The following SHISA9 variants were observed in gnomAD, a reference collection of about 807,000 sequenced individuals.
The protein encoded by SHISA9 is shisa family member 9.
Under a neutral mutation model 38.0 loss-of-function variants are expected in SHISA9, and 13 were observed. That is an observed-to-expected ratio of 0.34 (90% CI 0.22 to 0.54). The LOEUF is 0.54. Ranked by LOEUF, SHISA9 falls within the 20% of genes least tolerant of loss-of-function variation. SHISA9 has a pLI of 0.91. For synonymous variants in SHISA9, 275 were observed against 242.0 expected (o/e 1.14, Z -1.27); for missense variants, 538 against 575.8 (o/e 0.93, Z 0.67).
chr16:13,332,704 G>A, the SHISA9 span: 1 of 152,034 alleles, frequency 6.6e-6, no homozygotes, highest in Admixed American at 6.5e-5. Flanking sequence ...GAACAACTGG[G>A]GAATAAAAAA....
rs563541263 is a variant in SHISA9, at chr16:12,945,300, C to T, written c.691+28485C>T. ...GCTGAATATCTCACAGCACATACGG[C>T]AGCCCCTCACAGGTAAGAATTATCC... On this transcript the variant is annotated intron_variant, in intron 2 of 4. Coordinates refer to ENST00000558583, the MANE Select transcript of SHISA9 (RefSeq NM_001145204.3). Among the ~76,000 whole-genome samples, 31 of 152,282 alleles carry T rather than the reference C, an allele frequency of 2.0e-4. No individual in the cohort carries two copies. In the South Asian group the frequency reaches 6.4e-3, roughly 32 times the overall value.
intron 2 of SHISA9, among the ~76,000 whole-genome samples, chr16:12,992,078 A>G (rs1696028358): frequency 6.6e-6 from 1 of 152,190 alleles, no homozygotes; most frequent in Non-Finnish European, 1.5e-5. Flanking sequence ...AAGTAATAGT[A>G]TGGGAGATAC....
the SHISA9 span, among the ~76,000 whole-genome samples, chr16:13,556,526 G>A: frequency 6.6e-6 from 1 of 152,108 alleles, no homozygotes; most frequent in Non-Finnish European, 1.5e-5. Context: ...AGCCGGGCAA[G>A]GTGGCACGTG....
the SHISA9 span, among the ~76,000 whole-genome samples, chr16:13,442,762 T>C: frequency 6.6e-6 from 1 of 152,124 alleles, no homozygotes; most frequent in East Asian, 1.9e-4. Context: ...GAGACCAACC[T>C]GGCCAACATA....
chr16:13,028,949 G>A (rs2072958242), intron 2 of SHISA9, among the ~76,000 whole-genome samples: 1 of 152,136 alleles, frequency 6.6e-6, no homozygotes, highest in African/African-American at 2.4e-5. Flanking sequence ...GGAAAGTAAA[G>A]GTGCTATTAC....
At chr16:13,346,575 C>T in the SHISA9 span, among the ~76,000 whole-genome samples, 1 of 152,188 alleles carries the variant, frequency 6.6e-6, no homozygotes, top group East Asian at 1.9e-4. Flanking sequence ...TAATAGTAAT[C>T]TCCCACTCAT....
At chr16:13,060,977 CATT>C (rs1468402138) in intron 2 of SHISA9, among the ~76,000 whole-genome samples, 1 of 152,160 alleles carries the variant, frequency 6.6e-6, no homozygotes, top group African/African-American at 2.4e-5. Flanking sequence ...CTGGTTGACA[CATT>C]TCCATGTCCC....
At chr16:12,972,084 G>A (rs1480352079) in intron 2 of SHISA9, among the ~76,000 whole-genome samples, 5 of 98,568 alleles carry the variant, frequency 5.1e-5, no homozygotes, top group Non-Finnish European at 1.2e-4. Context: ...TGTGTGTGTT[G>A]AGAGGGGCAA....
chr16:13,251,044 C>T, the SHISA9 span, among the ~76,000 whole-genome samples: 1 of 152,140 alleles, frequency 6.6e-6, no homozygotes, highest in Non-Finnish European at 1.5e-5. Flanking sequence ...GTTTTGAACA[C>T]GTTTCTTCAC....
At chr16:13,035,262 C>G (rs557079293) in intron 2 of SHISA9, among the ~76,000 whole-genome samples, 3 of 152,180 alleles carry the variant, frequency 2.0e-5, no homozygotes, top group Non-Finnish European at 2.9e-5. Context: ...GTAGGTTGCA[C>G]TAGCTCTATT....
At chr16:13,279,299 T>G in the SHISA9 span, among the ~76,000 whole-genome samples, 1 of 151,988 alleles carries the variant, frequency 6.6e-6, no homozygotes, top group Non-Finnish European at 1.5e-5. Context: ...GAGGCTTGTT[T>G]TATGGCTTAT....
the SHISA9 span, among the ~76,000 whole-genome samples, chr16:13,397,305 C>A: frequency 6.6e-6 from 1 of 152,162 alleles, no homozygotes. Context: ...CTGCTGAAAC[C>A]CCTAGGGGGA....
At chr16:13,036,623 C>T (rs925040302) in intron 2 of SHISA9, among the ~76,000 whole-genome samples, 3 of 151,906 alleles carry the variant, frequency 2.0e-5, no homozygotes, top group East Asian at 1.9e-4. Flanking sequence ...TGCATATAAG[C>T]CATAACTCCA....
intron 2 of SHISA9, among the ~76,000 whole-genome samples, chr16:12,993,047 G>C (rs1311431104): frequency 1.3e-5 from 2 of 152,174 alleles, no homozygotes; most frequent in African/African-American, 4.8e-5. Context: ...TTCCATCTTG[G>C]ATTTTAAAGA....
the SHISA9 span, among the ~76,000 whole-genome samples, chr16:13,458,014 A>T: frequency 1.0e-4 from 15 of 148,554 alleles, no homozygotes; most frequent in African/African-American, 3.5e-4. Context: ...AATTATCTCA[A>T]TGACAATGTC....
chr16:13,355,590 G>C, the SHISA9 span, among the ~76,000 whole-genome samples: 10 of 152,150 alleles, frequency 6.6e-5, no homozygotes, highest in Non-Finnish European at 1.3e-4. Flanking sequence ...GCTTAAAAGA[G>C]TATTGTCTAA....
chr16:13,404,160 T>A, the SHISA9 span, among the ~76,000 whole-genome samples: 2 of 152,302 alleles, frequency 1.3e-5, no homozygotes, highest in African/African-American at 4.8e-5. Flanking sequence ...AATTCCCTTC[T>A]TCACTCAACA....
At chr16:13,470,710 C>T in the SHISA9 span, among the ~76,000 whole-genome samples, 1 of 152,132 alleles carries the variant, frequency 6.6e-6, no homozygotes, top group Admixed American at 6.5e-5. Flanking sequence ...ATCAAAGAAT[C>T]ATACATTAAA....
chr16:13,197,799 A>T (rs1160807937), intron 2 of SHISA9: 1 of 152,224 alleles, frequency 6.6e-6, no homozygotes, highest in Non-Finnish European at 1.5e-5. Context: ...GGTGGGTAAG[A>T]TATCTCTGGG....
Sources: gnomAD v4.1 joint callset for allele counts (sites outside exome capture counted in the v4.1 genomes callset) on GRCh38, gnomAD v4.1.1 for gene constraint, MANE v1.5 for transcripts, NCBI Gene and HGNC (gene_info 2026-07-23, HGNC 2026-07-21) for gene names.